Variants in FGF12 observed in about 807,000 individuals in gnomAD.
FGF12 encodes the protein fibroblast growth factor 12B.
In FGF12, 14 loss-of-function variants were observed where a neutral mutation model predicts 23.6. The observed-to-expected ratio is 0.59, with a 90% CI of 0.39 to 0.93. The LOEUF (loss-of-function observed/expected upper bound fraction) is 0.93. FGF12 is among the 40% of genes least tolerant of loss of function. The pLI, the probability that FGF12 is intolerant of heterozygous loss-of-function variation, is 0.00. For missense variants in FGF12, 175 were observed against 217.8 expected, an observed-to-expected ratio of 0.80 and a Z score of 1.24; for synonymous variants, 62 against 77.3, an observed-to-expected ratio of 0.80 and a Z score of 1.04.
intron 2 of FGF12, among the ~76,000 whole-genome samples, chr3:192,386,519 T>C (rs1466397611): frequency 6.6e-6 from 1 of 152,164 alleles, no homozygotes; most frequent in Non-Finnish European, 1.5e-5. Context: ...AAAAATTACT[T>C]TTCTCACTTT....
At chr3:192,388,657 A>G (rs944187826) in intron 2 of FGF12, among the ~76,000 whole-genome samples, 3 of 152,256 alleles carry the variant, frequency 2.0e-5, no homozygotes, top group East Asian at 3.9e-4. Flanking sequence ...AGGTAAAATT[A>G]AAATTTAAAA....
At position 192,512,495 on chromosome 3, in the gene FGF12, A is replaced by T. The variant is rs538977699; in HGVS notation, c.14-151957T>A. ...TCAACTAAATCTTTAGCTGCTATTA[A>T]TCCATTTAATGCTTACAACAATCTA... On this transcript the variant is annotated intron_variant, in intron 2 of 5. Coordinates refer to ENST00000445105, the MANE Select transcript of FGF12 (RefSeq NM_004113.6). 5.9e-5 allele frequency among the ~76,000 whole-genome samples: 9 copies of T among 152,234 alleles called. No homozygotes were observed. The South Asian group carries it at 1.9e-3, about 32-fold the overall frequency.
intron 2 of FGF12, among the ~76,000 whole-genome samples, chr3:192,561,480 A>T (rs1367570471): frequency 6.6e-6 from 1 of 151,916 alleles, no homozygotes; most frequent in African/African-American, 2.4e-5. Context: ...CTCCTGCCTC[A>T]GCCTTCTGAG....
At chr3:192,190,468 CTT>C (rs34108891) in intron 4 of FGF12, among the ~76,000 whole-genome samples, 126 of 89,110 alleles carry the variant, frequency 1.4e-3, no homozygotes, top group African/African-American at 5.4e-3. Flanking sequence ...GCCCAATACT[CTT>C]TTTTTTTTTT....
At chr3:192,695,931 T>G (rs1022851576) in intron 2 of FGF12, among the ~76,000 whole-genome samples, 1 of 152,078 alleles carries the variant, frequency 6.6e-6, no homozygotes, top group African/African-American at 2.4e-5. Context: ...AAACCCCATC[T>G]CTACTAAAAA....
intron 2 of FGF12, among the ~76,000 whole-genome samples, chr3:192,365,399 C>T (rs935666455): frequency 4.0e-5 from 6 of 151,840 alleles, no homozygotes; most frequent in South Asian, 2.1e-4. Context: ...TGAAAAAGAA[C>T]ATTATGTAAA....
At chr3:192,329,275 G>A (rs963183664) in intron 4 of FGF12, among the ~76,000 whole-genome samples, 1 of 152,186 alleles carries the variant, frequency 6.6e-6, no homozygotes, top group African/African-American at 2.4e-5. Context: ...TATCAGGTAA[G>A]ATTTGAGCTG....
chr3:192,473,936 T>C lies in FGF12; in HGVS notation c.14-113398A>G, dbSNP rs140186765. On this transcript the variant is annotated intron_variant, in intron 2 of 5. Transcript: ENST00000445105. ...AAAGGTTCCACAATGCAAAGAAACA[T>C]AGAGCAGAACTACACTCACCTAGAC... is the stretch of plus-strand genomic sequence containing the variant. 4.4e-3 allele frequency among the ~76,000 whole-genome samples: 664 copies of C among 152,306 alleles called. 8 individuals carry two copies. The highest frequency in any genetic ancestry group is 0.015 in the African/African-American group (605 of 41,574).
chr3:192,290,687 T>C (rs925637597), intron 4 of FGF12, among the ~76,000 whole-genome samples: 2 of 152,194 alleles, frequency 1.3e-5, no homozygotes, highest in Non-Finnish European at 2.9e-5. Context: ...CACATCATGA[T>C]ACTTATTTCT....
intron 2 of FGF12, among the ~76,000 whole-genome samples, chr3:192,512,786 AAC>A (rs1724519396): frequency 7.1e-6 from 1 of 141,708 alleles, no homozygotes; most frequent in Admixed American, 7.4e-5. Context: ...ATATAAATAA[AAC>A]ACAAGTTTTC....
chr3:192,144,157 T>C, intron 5 of FGF12, 30 bp from the exon 6 acceptor site: 4 of 1,311,382 alleles, frequency 3.1e-6, no homozygotes, highest in Admixed American at 3.6e-5. Context: ...AAATTACTTA[T>C]GACAGTGGAC....
rs199548111 is a variant in FGF12 at position 192,576,150 on chromosome 3, C to CT, written c.13+151030dup. On this transcript the variant is annotated intron_variant, in intron 2 of 5. Coordinates refer to ENST00000445105, the MANE Select transcript of FGF12 (RefSeq NM_004113.6). ...TCTTTTCCAGCACATTTATGCAGCC[C>CT]TTTTTTTTCTGCTTACAAACGAAGA... 1.8e-3 allele frequency among the ~76,000 whole-genome samples: 267 copies of CT among 152,032 alleles called. 1 individual carries two copies. The highest frequency in any genetic ancestry group is 5.5e-3 in the African/African-American group (228 of 41,468).
At chr3:192,146,599 T>A (rs1451010561) in intron 5 of FGF12, among the ~76,000 whole-genome samples, 1 of 152,180 alleles carries the variant, frequency 6.6e-6, no homozygotes, top group African/African-American at 2.4e-5. Flanking sequence ...CTTTTTAAGC[T>A]GAGTTTCTTA....
In FGF12 at chr3:192,383,521, A is replaced by T. The variant is rs1173873083; in HGVS notation, c.14-22983T>A. ...ACATGGTTCCAAGGATTCTGATTTA[A>T]AAAAAAAAAAATCTGATTAAAAAAA... On this transcript the variant is annotated intron_variant, in intron 2 of 5. Coordinates refer to ENST00000445105, the MANE Select transcript of FGF12 (RefSeq NM_004113.6). 5.0e-4 allele frequency among the ~76,000 whole-genome samples: 18 copies of T among 35,932 alleles called. No homozygotes were observed. The East Asian group carries it at 6.0e-3, about 12-fold the overall frequency. The allele number at this position is 35,932 out of a possible 152,430, so 23.6% of individuals were successfully genotyped here.
At position 192,616,662 on chromosome 3, in the gene FGF12, A is replaced by G. The variant is rs193228440; in HGVS notation, c.13+110519T>C. The stretch of plus-strand genomic sequence containing the variant: ...AGAAGATGAGTAGCTCATCTGTTTG[A>G]TGCATGAGAGGTAGTAAAGTAAGAG... On this transcript the variant is annotated intron_variant, in intron 2 of 5. Coordinates refer to ENST00000445105, the MANE Select transcript of FGF12 (RefSeq NM_004113.6). Among the ~76,000 whole-genome samples the G allele has an allele frequency of 3.5e-4, 54 of 152,126 alleles. No individual in the cohort carries two copies. The East Asian group carries it at 9.7e-3, about 27-fold the overall frequency.
intron 2 of FGF12, among the ~76,000 whole-genome samples, chr3:192,622,837 T>G (rs1577083960): frequency 6.6e-6 from 1 of 152,266 alleles, no homozygotes; most frequent in South Asian, 2.1e-4. Context: ...AAGGTTTTGT[T>G]GTTTTCTTAG....
At chr3:192,520,269 A>C (rs1577033484) in intron 2 of FGF12, among the ~76,000 whole-genome samples, 1 of 152,314 alleles carries the variant, frequency 6.6e-6, no homozygotes, top group East Asian at 1.9e-4. Context: ...TTCAATCCTA[A>C]GTCAATACCA....
intron 2 of FGF12, chr3:192,673,081 C>T (rs1717190563): frequency 6.6e-6 from 1 of 150,758 alleles, no homozygotes; most frequent in African/African-American, 2.4e-5. Flanking sequence ...TAATGTTGAA[C>T]CAGTCCTTAA....
chr3:192,215,064 A>G (rs1373423621), intron 4 of FGF12, among the ~76,000 whole-genome samples: 3 of 152,172 alleles, frequency 2.0e-5, no homozygotes, highest in South Asian at 2.1e-4. Flanking sequence ...TTCAGCCTAA[A>G]TCAGAGGATG....
Sources: gnomAD v4.1 joint callset for allele counts (sites outside exome capture counted in the v4.1 genomes callset) on GRCh38, gnomAD v4.1.1 for gene constraint, MANE v1.5 for transcripts, NCBI Gene and HGNC (gene_info 2026-07-23, HGNC 2026-07-21) for gene names.